PRR22: variants seen among roughly 807,000 people sequenced by gnomAD.
PRR22 encodes proline-rich protein 22.
Under a neutral mutation model 7.2 loss-of-function variants are expected in PRR22, and 5 were observed. The observed-to-expected ratio is 0.69, with a 90% CI of 0.36 to 1.45. The LOEUF (loss-of-function observed/expected upper bound fraction) is 1.45. Among genes scored for constraint, PRR22 ranks in the 40% most tolerant of loss-of-function variants. The pLI, the probability that PRR22 is intolerant of heterozygous loss-of-function variation, is 0.03. For synonymous variants in PRR22, 319 were observed against 269.3 expected (o/e 1.18, Z -1.81); for missense variants, 619 against 568.8 (o/e 1.09, Z -0.90).
At position 5,783,458 on chromosome 19, in the gene PRR22, C is replaced by G; in HGVS notation, c.789G>C (p.Leu263=). ...LKVAEVKEGA[L]LGAGKAKAPK... Reference sequence around the variant, plus strand: ...GGGCCTTGGCCTTGCCTGCTCCCAGCAGGGCCCCCTCCTTGACCTCGGCCA... The same window carrying G: ...GGGCCTTGGCCTTGCCTGCTCCCAGGAGGGCCCCCTCCTTGACCTCGGCCA... The change falls in exon 3 of 3, where the codon CTG becomes CTC. Residue 263 remains leucine, a synonymous_variant. Transcript: ENST00000419421. 1 of 1,609,320 alleles carries G rather than the reference C, an allele frequency of 6.2e-7. No homozygotes were observed. Among genetic ancestry groups the G allele is most frequent in the Non-Finnish European group, 8.5e-7 (1 of 1,178,184 alleles).
At position 5,784,442 on chromosome 19, in the gene PRR22, G is replaced by T; in HGVS notation, c.131-3C>A. 1 of 1,556,184 alleles carries T rather than the reference G, an allele frequency of 6.4e-7. No homozygotes were observed. Among genetic ancestry groups the T allele is most frequent in the South Asian group, 1.2e-5 (1 of 85,356 alleles). Reference sequence around the variant, plus strand: ...GGGATGATACAGGTTCAAGGAGCCTGTGGACAAAGGTGCCCAGGTGGGTAG... The same window carrying T: ...GGGATGATACAGGTTCAAGGAGCCTTTGGACAAAGGTGCCCAGGTGGGTAG... On this transcript the variant is annotated splice_region_variant and splice_polypyrimidine_tract_variant and intron_variant, in intron 1 of 2. Coordinates refer to ENST00000419421, the MANE Select transcript of PRR22 (RefSeq NM_001134316.2).
chr19:5,784,074 C>G, intron 2 of PRR22, 21 bp from the exon 3 acceptor site: 1 of 1,606,280 alleles, frequency 6.2e-7, no homozygotes, highest in Non-Finnish European at 8.5e-7. Context: ...CAGGCGGGTG[C>G]CCTGAGAGCA....
At position 5,783,260 on chromosome 19, in the gene PRR22, C is replaced by T. The variant is rs1176057280; in HGVS notation, c.987G>A (p.Leu329=). ...AGGACAGCAGCTCCTCGGGCAGGCA[C>T]AGCGAGCGGATGTCATCGGCTGAGT... The part of the protein sequence containing the change: ...GGNSADDIRS[L]CLPEELLSFD... The change falls in exon 3 of 3, where the codon CTG becomes CTA. Residue 329 remains leucine, a synonymous_variant. Coordinates refer to ENST00000419421, the MANE Select transcript of PRR22 (RefSeq NM_001134316.2). The T allele has an allele frequency of 6.2e-6, 10 of 1,612,840 alleles. No individual in the cohort carries two copies. Among genetic ancestry groups the T allele is most frequent in the South Asian group, 4.4e-5 (4 of 91,088 alleles).
rs564327513 is a variant in PRR22, at chr19:5,784,710, G to A, written c.-50C>T. ...ACAGGCCAGGAGGGCGGCAGTGGGA[G>A]TGCAAGTGGCCCAACCGGAGAACAG... is the stretch of plus-strand genomic sequence containing the variant. On this transcript the variant is annotated 5_prime_UTR_variant, in exon 1 of 3. Transcript: ENST00000419421. 13 of 1,518,738 alleles carry A rather than the reference G, an allele frequency of 8.6e-6. No homozygotes were observed. In the East Asian group the frequency reaches 2.9e-4, roughly 34 times the overall value. 94.1% of individuals were successfully genotyped at this position (1,518,738 alleles called of 1,614,324 possible). A position where few individuals can be genotyped will look rare whatever the true frequency, so the allele number is the denominator to read the frequency against.
chr19:5,784,311 G>T, intron 2 of PRR22, 66 bp downstream of exon 2: 1 of 1,539,694 alleles, frequency 6.5e-7, no homozygotes, highest in South Asian at 1.2e-5. Context: ...ACGGGGCAGG[G>T]GCAAGATGGG....
chr19:5,784,537 C>T lies in PRR22; in HGVS notation c.124G>A (p.Ala42Thr), dbSNP rs867448534. The stretch of plus-strand genomic sequence containing the variant: ...CCCACCCACCCGATCGTACCCATAG[C>T]GGGAGGAGGCTCGGCACAGGTGGGA... Reference protein sequence around the residue: ...PAPTCAEPPPAMGSLNLYHPP... With the variant: ...PAPTCAEPPPTMGSLNLYHPP... The change falls in exon 1 of 3, where the codon GCT (alanine) becomes ACT (threonine). Residue 42 changes from alanine (A) to threonine (T), a missense_variant. Transcript: ENST00000419421. 15 of 1,549,732 alleles carry T rather than the reference C, an allele frequency of 9.7e-6. No individual in the cohort carries two copies. Among genetic ancestry groups the T allele is most frequent in the Admixed American group, 3.9e-5 (2 of 50,968 alleles).
At position 5,783,493 on chromosome 19, in the gene PRR22, CGCTGAGGCCCGGTGGGTACAGGG is replaced by C. The variant is rs751154464; in HGVS notation, c.731_753del (p.Pro244ArgfsTer31). ...TCCTTGACCTCGGCCACCTTGAGCT[CGCTGAGGCCCGGTGGGTACAGGG>C]GCACCCCAGGTCGGGCCCCACTGCC... On this transcript the variant is annotated frameshift_variant, in exon 3 of 3. Transcript: ENST00000419421. LOFTEE classifies it low-confidence loss of function (END_TRUNC). 20 of 1,601,936 alleles carry C rather than the reference CGCTGAGGCCCGGTGGGTACAGGG, an allele frequency of 1.2e-5. No homozygotes were observed. The highest frequency in any genetic ancestry group is 8.5e-7 in the Non-Finnish European group (1 of 1,174,700).
chr19:5,784,021 C>G lies in PRR22; in HGVS notation c.226G>C (p.Asp76His). 6.2e-7 allele frequency: 1 copy of G among 1,610,732 alleles called. No homozygotes were observed. The highest frequency in any genetic ancestry group is 8.5e-7 in the Non-Finnish European group (1 of 1,178,946). The change falls in exon 3 of 3, where the codon GAC becomes CAC. Residue 76 changes from aspartate (D) to histidine (H), a missense_variant. Asp to His is a moderately conservative substitution (Grantham distance 81). Coordinates refer to ENST00000419421, the MANE Select transcript of PRR22 (RefSeq NM_001134316.2). ...FQMAPCGCFF[D>H]PRIYRIEWTT... ...CACTCGATCCGATAGATGCGGGGGT[C>G]GAAGAAGCACCCGCATGGGGCCATC...
chr19:5,783,149 C>T lies in PRR22; in HGVS notation c.1098G>A (p.Pro366=), dbSNP rs751932444. The T allele has an allele frequency of 6.8e-5, 109 of 1,612,306 alleles. No homozygotes were observed. Among genetic ancestry groups the T allele is most frequent in the East Asian group, 4.9e-4 (22 of 44,872 alleles). Residue 366 remains proline (P), a synonymous_variant, in exon 3 of 3, where the codon CCG becomes CCA. Transcript: ENST00000419421. The part of the protein sequence containing the change: ...FNFKALDEEQ[P]PHPGPPATNT... The stretch of plus-strand genomic sequence containing the variant: ...TGGTGGCAGGGGGCCCCGGGTGGGG[C>T]GGCTGCTCCTCGTCGAGCGCCTTGA...
chr19:5,783,812 G>A lies in PRR22; in HGVS notation c.435C>T (p.Pro145=), dbSNP rs767984814. 2 of 1,524,878 alleles carry A rather than the reference G, an allele frequency of 1.3e-6. No individual in the cohort carries two copies. Among genetic ancestry groups the A allele is most frequent in the Non-Finnish European group, 1.8e-6 (2 of 1,135,368 alleles). The allele number at this position is 1,524,878 out of a possible 1,614,324, so 94.5% of individuals were successfully genotyped here. ...GCCCGGGGCCCTCAGGCGGGAAGTA[G>A]GGCAAGAGAAACTGGGGCCCCCCGG... ...QAPGGPQFLL[P]YFPPEGPGPE... is the part of the protein sequence containing the mutation. Residue 145 remains proline, a synonymous_variant, in exon 3 of 3, where the codon CCC becomes CCT. Transcript: ENST00000419421.
Position 5,783,447 on chromosome 19 carries a change from C to T in PRR22, c.800G>A (p.Gly267Asp), listed in dbSNP as rs1246586720. 1 of 1,610,612 alleles carries T rather than the reference C, an allele frequency of 6.2e-7. No individual in the cohort carries two copies. Among genetic ancestry groups the T allele is most frequent in the Non-Finnish European group, 8.5e-7 (1 of 1,178,924 alleles). The change falls in exon 3 of 3, where the codon GGC (glycine) becomes GAC (aspartate). Residue 267 changes from glycine to aspartate, a missense_variant. Gly to Asp is a moderately conservative substitution (Grantham distance 94). Coordinates refer to ENST00000419421, the MANE Select transcript of PRR22 (RefSeq NM_001134316.2). Reference protein sequence around the residue: ...EVKEGALLGAGKAKAPKTARA... With the variant: ...EVKEGALLGADKAKAPKTARA... Reference sequence around the variant, plus strand: ...GGCCGTCTTGGGGGCCTTGGCCTTGCCTGCTCCCAGCAGGGCCCCCTCCTT... The same window carrying T: ...GGCCGTCTTGGGGGCCTTGGCCTTGTCTGCTCCCAGCAGGGCCCCCTCCTT...
Position 5,782,984 on chromosome 19 carries a change from CG to C in PRR22, c.1262del (p.Pro421ArgfsTer?). On this transcript the variant is annotated frameshift_variant, in exon 3 of 3. Coordinates refer to ENST00000419421, the MANE Select transcript of PRR22 (RefSeq NM_001134316.2). LOFTEE classifies it high-confidence loss of function. Reference sequence around the variant, plus strand: ...CTGAAAGGTCAAATGTGCTTTAATGCGGGGTGGCTCCCAGGTCCTCCCTGGG... The same window carrying C: ...CTGAAAGGTCAAATGTGCTTTAATGCGGGTGGCTCCCAGGTCCTCCCTGGG... ...PGPREDLGAT[P>X]H is the part of the protein sequence containing the mutation. The C allele has an allele frequency of 1.3e-6, 2 of 1,519,628 alleles. No homozygotes were observed. Among genetic ancestry groups the C allele is most frequent in the Admixed American group, 2.2e-5 (1 of 44,830 alleles). The allele number at this position is 1,519,628 out of a possible 1,614,324, so 94.1% of individuals were successfully genotyped here.
Position 5,783,297 on chromosome 19 carries a change from C to T in PRR22, c.950G>A (p.Ser317Asn), listed in dbSNP as rs747015675. The part of the protein sequence containing the change: ...CEVPGPALPD[S>N]SGGNSADDIR... ...GTCATCGGCTGAGTTCCCACCACTG[C>T]TGTCAGGCAGGGCCGGCCCAGGGAC... is the stretch of plus-strand genomic sequence containing the variant. Residue 317 changes from serine to asparagine, a missense_variant, in exon 3 of 3, where the codon AGC becomes AAC. Physicochemically the swap from Ser to Asn is conservative, Grantham distance 46 (BLOSUM62 1). Coordinates refer to ENST00000419421, the MANE Select transcript of PRR22 (RefSeq NM_001134316.2). 2 of 1,612,860 alleles carry T rather than the reference C, an allele frequency of 1.2e-6. No individual in the cohort carries two copies. The highest frequency in any genetic ancestry group is 2.2e-5 in the South Asian group (2 of 91,088).
Position 5,783,010 on chromosome 19 carries a change from GC to G in PRR22, c.1236del (p.Arg414GlyfsTer?). 3.9e-6 allele frequency: 6 copies of G among 1,542,104 alleles called. No individual in the cohort carries two copies. Among genetic ancestry groups the G allele is most frequent in the Non-Finnish European group, 5.2e-6 (6 of 1,147,390 alleles). On this transcript the variant is annotated frameshift_variant, in exon 3 of 3. Transcript: ENST00000419421. LOFTEE classifies it high-confidence loss of function. ...GGGGTGGCTCCCAGGTCCTCCCTGGGCCCCGGGGGAGTGGCGCTGGCTGGGC... is the reference window on the plus strand; with the variant it reads ...GGGGTGGCTCCCAGGTCCTCCCTGGGCCCGGGGGAGTGGCGCTGGCTGGGC... ...PAGPASATPP[G>X]PREDLGATPH
At position 5,783,433 on chromosome 19, in the gene PRR22, G is replaced by A; in HGVS notation, c.814C>T (p.Pro272Ser). 6.2e-7 allele frequency: 1 copy of A among 1,612,038 alleles called. No homozygotes were observed. The highest frequency in any genetic ancestry group is 8.5e-7 in the Non-Finnish European group (1 of 1,179,686). ...AGTGCCAAAGCTCTGGCCGTCTTGG[G>A]GGCCTTGGCCTTGCCTGCTCCCAGC... ...ALLGAGKAKA[P>S]KTARALALPD... The change falls in exon 3 of 3, where the codon CCC becomes TCC. Residue 272 changes from proline to serine, a missense_variant. By Grantham distance (74) the Pro-to-Ser change is moderately conservative. Transcript: ENST00000419421.
At position 5,784,724 on chromosome 19, in the gene PRR22, A is replaced by C; in HGVS notation, c.-64T>G. 6.6e-7 allele frequency: 1 copy of C among 1,505,926 alleles called. No homozygotes were observed. The highest frequency in any genetic ancestry group is 8.8e-7 in the Non-Finnish European group (1 of 1,131,518). 93.3% of individuals were successfully genotyped at this position (1,505,926 alleles called of 1,614,324 possible). On this transcript the variant is annotated 5_prime_UTR_variant, in exon 1 of 3. Transcript: ENST00000419421. ...CGGCAGTGGGAGTGCAAGTGGCCCA[A>C]CCGGAGAACAGGCTGAGAACCTGGT...
chr19:5,784,004 C>T lies in PRR22; in HGVS notation c.243G>A (p.Arg81=). The change falls in exon 3 of 3, where the codon CGG becomes CGA. Residue 81 remains arginine, a synonymous_variant. Coordinates refer to ENST00000419421, the MANE Select transcript of PRR22 (RefSeq NM_001134316.2). ...CCAGGTCGGGGGTGGTCCACTCGAT[C>T]CGATAGATGCGGGGGTCGAAGAAGC... ...CGCFFDPRIY[R]IEWTTPDLGQ... is the part of the protein sequence containing the mutation. 1 of 1,610,460 alleles carries T rather than the reference C, an allele frequency of 6.2e-7. No individual in the cohort carries two copies.
chr19:5,783,367 C>T lies in PRR22; in HGVS notation c.880G>A (p.Asp294Asn), dbSNP rs751446216. 60 of 1,612,670 alleles carry T rather than the reference C, an allele frequency of 3.7e-5. 1 individual carries two copies. The South Asian group carries it at 5.6e-4, about 15-fold the overall frequency. Residue 294 changes from aspartate (D) to asparagine (N), a missense_variant, in exon 3 of 3, where the codon GAC (aspartate) becomes AAC (asparagine). Asp to Asn is a conservative substitution (Grantham distance 23). Transcript: ENST00000419421. The stretch of plus-strand genomic sequence containing the variant: ...GGCTCAGAGGCGCCTGGCAGGCAGT[C>T]GAAGAGCTTCATGGCGTCCTCCAGC... ...VLLEDAMKLFDCLPGASEPEG... is the reference protein window; with the variant it reads ...VLLEDAMKLFNCLPGASEPEG...
At chr19:5,784,163 C>T (rs1205740456) in intron 2 of PRR22, 110 bp from the exon 3 acceptor site, 3 of 1,147,494 alleles carry the variant, frequency 2.6e-6, no homozygotes, top group Non-Finnish European at 4.0e-6. Flanking sequence ...TGGGGGGCCC[C>T]TTTGGGGGAC....
Sources: gnomAD v4.1 joint callset for allele counts on GRCh38, gnomAD v4.1.1 for gene constraint, MANE v1.5 for transcripts, NCBI Gene and HGNC (gene_info 2026-07-23, HGNC 2026-07-21) for gene names.